SMYD3: variants seen among roughly 807,000 people sequenced by gnomAD.
The protein encoded by SMYD3 is SET and MYND domain containing 3.
Under a neutral mutation model 57.7 loss-of-function variants are expected in SMYD3, and 36 were observed. That is an observed-to-expected ratio of 0.62 (90% CI 0.48 to 0.82). The LOEUF is 0.82. Among genes scored for constraint, SMYD3 ranks in the 40% least tolerant of loss-of-function variants. The pLI, the probability that SMYD3 is intolerant of heterozygous loss-of-function variation, is 0.00. For missense variants in SMYD3, 515 were observed against 538.8 expected (o/e 0.96, Z 0.44); for synonymous variants, 211 against 195.0 (o/e 1.08, Z -0.68).
intron 10 of SMYD3, among the ~76,000 whole-genome samples, chr1:245,765,044 C>CTA (rs1389695037): frequency 9.1e-6 from 1 of 110,070 alleles, no homozygotes; most frequent in African/African-American, 5.0e-5. Context: ...GTGGAAATGC[C>CTA]TACACACACA....
At chr1:246,282,305 C>CAAAAAAAAAAAAAAAAAAAA (rs57740230) in intron 5 of SMYD3, among the ~76,000 whole-genome samples, 11 of 67,930 alleles carry the variant, frequency 1.6e-4, no homozygotes, top group South Asian at 5.1e-4. Flanking sequence ...CTCATCTCTA[C>CAAAAAAAAAAAAAAAAAAAA]AAAAAAAAAA....
chr1:246,378,506 T>C (rs1212179891), intron 1 of SMYD3, among the ~76,000 whole-genome samples: 1 of 150,888 alleles, frequency 6.6e-6, no homozygotes, highest in Non-Finnish European at 1.5e-5. Flanking sequence ...CATGCAATGC[T>C]TCCTGCCCTT....
At chr1:246,505,935 C>T (rs2068530250) in intron 1 of SMYD3, among the ~76,000 whole-genome samples, 1 of 152,190 alleles carries the variant, frequency 6.6e-6, no homozygotes, top group South Asian at 2.1e-4. Context: ...TGCTCTCTCC[C>T]GAACAGATGT....
chr1:246,197,232 G>A (rs1333302214), intron 5 of SMYD3, among the ~76,000 whole-genome samples: 2 of 152,178 alleles, frequency 1.3e-5, no homozygotes, highest in African/African-American at 4.8e-5. Context: ...CTCCTTCAAG[G>A]AGGTGGAACG....
At chr1:246,343,327 T>C (rs1209425763) in intron 2 of SMYD3, among the ~76,000 whole-genome samples, 1 of 152,226 alleles carries the variant, frequency 6.6e-6, no homozygotes, top group Non-Finnish European at 1.5e-5. Context: ...GGTGAGCACA[T>C]GTATTTTATT....
At chr1:246,223,690 G>T (rs1036566730) in intron 5 of SMYD3, among the ~76,000 whole-genome samples, 2 of 152,064 alleles carry the variant, frequency 1.3e-5, no homozygotes, top group Non-Finnish European at 2.9e-5. Context: ...GGGACACAAA[G>T]ATTTGACCTA....
At chr1:246,076,637 A>T (rs535951766) in intron 5 of SMYD3, among the ~76,000 whole-genome samples, 1 of 151,772 alleles carries the variant, frequency 6.6e-6, no homozygotes, top group South Asian at 2.1e-4. Context: ...TTTCTGGCTC[A>T]TTTATTTTAA....
intron 5 of SMYD3, among the ~76,000 whole-genome samples, chr1:246,190,321 T>A (rs1463211024): frequency 6.6e-6 from 1 of 152,246 alleles, no homozygotes; most frequent in African/African-American, 2.4e-5. Context: ...GCGCGGTGGC[T>A]CACGCCTGTA....
intron 8 of SMYD3, among the ~76,000 whole-genome samples, chr1:245,871,497 G>A (rs1014851094): frequency 6.6e-6 from 1 of 152,150 alleles, no homozygotes; most frequent in Non-Finnish European, 1.5e-5. Context: ...ATTATAGGCT[G>A]GGGAATAAGG....
intron 5 of SMYD3, among the ~76,000 whole-genome samples, chr1:246,284,866 T>A (rs2064528015): frequency 6.6e-6 from 1 of 152,196 alleles, no homozygotes; most frequent in Non-Finnish European, 1.5e-5. Context: ...CTGGTCATGT[T>A]GCTTTTAAAT....
At chr1:246,121,822 G>A (rs1434098323) in intron 5 of SMYD3, among the ~76,000 whole-genome samples, 4 of 152,096 alleles carry the variant, frequency 2.6e-5, no homozygotes, top group Non-Finnish European at 4.4e-5. Context: ...GACAGAAACC[G>A]GGCATATCAT....
intron 5 of SMYD3, among the ~76,000 whole-genome samples, chr1:246,018,533 C>T (rs147662011): frequency 6.6e-6 from 1 of 152,272 alleles, no homozygotes; most frequent in East Asian, 1.9e-4. Flanking sequence ...TAAATGTTTG[C>T]CATCATATTT....
At chr1:245,805,918 CA>C (rs1483358227) in intron 10 of SMYD3, among the ~76,000 whole-genome samples, 1 of 152,198 alleles carries the variant, frequency 6.6e-6, no homozygotes, top group Admixed American at 6.5e-5. Context: ...TCTACTGCTT[CA>C]GTATATGCAG....
At chr1:245,817,924 G>C (rs528121757) in intron 10 of SMYD3, among the ~76,000 whole-genome samples, 2 of 152,214 alleles carry the variant, frequency 1.3e-5, no homozygotes, top group African/African-American at 4.8e-5. Flanking sequence ...CGTCTGATTG[G>C]TGTACCTGAA....
At chr1:245,990,791 G>A (rs2058797784) in intron 5 of SMYD3, among the ~76,000 whole-genome samples, 1 of 152,170 alleles carries the variant, frequency 6.6e-6, no homozygotes, top group Admixed American at 6.5e-5. Flanking sequence ...GTCGGACTTT[G>A]GACCTACAGA....
chr1:246,469,135 T>A (rs911091685), intron 1 of SMYD3, among the ~76,000 whole-genome samples: 4 of 152,230 alleles, frequency 2.6e-5, no homozygotes. Flanking sequence ...AGTTGCCATA[T>A]GTGGCCAGTC....
At chr1:246,013,322 G>A (rs924844916) in intron 5 of SMYD3, among the ~76,000 whole-genome samples, 43 of 152,140 alleles carry the variant, frequency 2.8e-4, no homozygotes, top group African/African-American at 9.4e-4. Context: ...TGGGATTACA[G>A]GCACGTGCCA....
intron 5 of SMYD3, among the ~76,000 whole-genome samples, chr1:246,197,976 G>C (rs2062851415): frequency 6.6e-6 from 1 of 152,074 alleles, no homozygotes; most frequent in Non-Finnish European, 1.5e-5. Context: ...TAAGAGTGTG[G>C]GCTAGGATAA....
chr1:245,973,152 T>C (rs1178360620), intron 5 of SMYD3, among the ~76,000 whole-genome samples: 1 of 152,158 alleles, frequency 6.6e-6, no homozygotes, highest in East Asian at 1.9e-4. Flanking sequence ...TGAAGATGGC[T>C]CTGGAGGAAA....
Sources: gnomAD v4.1 joint callset for allele counts (sites outside exome capture counted in the v4.1 genomes callset) on GRCh38, gnomAD v4.1.1 for gene constraint, MANE v1.5 for transcripts, NCBI Gene and HGNC (gene_info 2026-07-23, HGNC 2026-07-21) for gene names.